Variants in GABRB1 observed in about 807,000 individuals in gnomAD.
GABRB1 encodes gamma-aminobutyric acid receptor subunit beta-1.
Under a neutral mutation model 51.6 loss-of-function variants are expected in GABRB1, and 17 were observed. That is an observed-to-expected ratio of 0.33 (90% CI 0.23 to 0.49). The LOEUF is 0.49. Ranked by LOEUF, GABRB1 falls within the 20% of genes least tolerant of loss-of-function variation. The probability of loss-of-function intolerance (pLI) is 0.99; values close to 1 mark genes in which losing one functional copy is unlikely to be tolerated. For missense variants in GABRB1, 410 were observed against 600.6 expected, an observed-to-expected ratio of 0.68 and a Z score of 3.32; for synonymous variants, 247 against 218.9, an observed-to-expected ratio of 1.13 and a Z score of -1.14.
chr4:47,149,408 T>G (rs932804260), intron 3 of GABRB1, among the ~76,000 whole-genome samples: 1 of 152,078 alleles, frequency 6.6e-6, no homozygotes, highest in African/African-American at 2.4e-5. Context: ...ACAGTCTCAT[T>G]ATATAGTGTT....
intron 1 of GABRB1, among the ~76,000 whole-genome samples, chr4:47,017,013 A>G (rs1476883606): frequency 2.0e-5 from 3 of 152,188 alleles, no homozygotes; most frequent in Non-Finnish European, 4.4e-5. Context: ...TTAATACATA[A>G]CAAACTTTTA....
chr4:47,377,370 G>A (rs1182617600), intron 5 of GABRB1, among the ~76,000 whole-genome samples: 4 of 145,982 alleles, frequency 2.7e-5, no homozygotes, highest in Non-Finnish European at 4.4e-5. Context: ...TCTTAAAGGC[G>A]TCGTGTCCGG....
At chr4:47,252,115 G>A (rs1722014715) in intron 4 of GABRB1, among the ~76,000 whole-genome samples, 1 of 111,740 alleles carries the variant, frequency 8.9e-6, no homozygotes, top group Non-Finnish European at 1.7e-5. Flanking sequence ...CTACTCCTCT[G>A]GATGCCCTCC....
chr4:47,230,174 G>A (rs1231216653), intron 4 of GABRB1, among the ~76,000 whole-genome samples: 1 of 152,070 alleles, frequency 6.6e-6, no homozygotes, highest in Non-Finnish European at 1.5e-5. Flanking sequence ...AAAGCTTTGA[G>A]GCTAGGTAAA....
chr4:47,141,189 G>A (rs1358584699), intron 3 of GABRB1, among the ~76,000 whole-genome samples: 1 of 151,856 alleles, frequency 6.6e-6, no homozygotes, highest in Non-Finnish European at 1.5e-5. Context: ...CCTGTATTGT[G>A]CTTCAGGAAA....
At position 47,097,283 on chromosome 4, in the gene GABRB1, T is replaced by C. The variant is rs1182107724; in HGVS notation, c.241-63966T>C. Reference sequence around the variant, plus strand: ...TCCAGCCACAGGGACCACCTTGCTCTTCCTAGAACTCATCAGGCATGCTTC... The same window carrying C: ...TCCAGCCACAGGGACCACCTTGCTCCTCCTAGAACTCATCAGGCATGCTTC... On this transcript the variant is annotated intron_variant, in intron 3 of 8. Transcript: ENST00000295454. Among the ~76,000 whole-genome samples the C allele has an allele frequency of 2.6e-5, 4 of 152,182 alleles. No homozygotes were observed. The East Asian group carries it at 5.8e-4, about 22-fold the overall frequency.
At chr4:47,229,005 G>A (rs540231296) in intron 4 of GABRB1, among the ~76,000 whole-genome samples, 3 of 152,254 alleles carry the variant, frequency 2.0e-5, no homozygotes, top group African/African-American at 7.2e-5. Context: ...CAGGCACTGT[G>A]CTGGGGCATT....
intron 3 of GABRB1, among the ~76,000 whole-genome samples, chr4:47,130,057 T>G (rs1300931892): frequency 6.6e-6 from 1 of 152,184 alleles, no homozygotes; most frequent in East Asian, 1.9e-4. Context: ...TGCCCTCTCC[T>G]CCATTGCGTG....
intron 8 of GABRB1, among the ~76,000 whole-genome samples, chr4:47,409,682 G>A (rs1013231893): frequency 6.6e-6 from 1 of 152,188 alleles, no homozygotes; most frequent in Non-Finnish European, 1.5e-5. Context: ...ATGCTTGAGG[G>A]TGGGGCCTTT....
At chr4:47,063,128 A>C (rs928513061) in intron 3 of GABRB1, among the ~76,000 whole-genome samples, 1 of 152,140 alleles carries the variant, frequency 6.6e-6, no homozygotes, top group East Asian at 1.9e-4. Flanking sequence ...CCACTCCCCA[A>C]GCTCGTCTCT....
intron 3 of GABRB1, among the ~76,000 whole-genome samples, chr4:47,055,005 A>G (rs973221407): frequency 6.6e-6 from 1 of 152,222 alleles, no homozygotes; most frequent in Non-Finnish European, 1.5e-5. Context: ...GACTTCTTCC[A>G]TCATGGCAGA....
chr4:47,008,989 G>A (rs1181032221), intron 1 of GABRB1, among the ~76,000 whole-genome samples: 7 of 142,588 alleles, frequency 4.9e-5, no homozygotes, highest in South Asian at 4.6e-4. Flanking sequence ...TCAGCCTCCC[G>A]AGTAGCTGGG....
intron 3 of GABRB1, among the ~76,000 whole-genome samples, chr4:47,156,533 A>G (rs1285808798): frequency 6.6e-6 from 1 of 152,060 alleles, no homozygotes; most frequent in African/African-American, 2.4e-5. Flanking sequence ...TGTACCTAAC[A>G]TGAGGGAAAA....
At chr4:47,362,364 G>C (rs1726838394) in intron 5 of GABRB1, among the ~76,000 whole-genome samples, 1 of 152,092 alleles carries the variant, frequency 6.6e-6, no homozygotes, top group Admixed American at 6.6e-5. Context: ...AGAGTGAGTA[G>C]AGTGGCAGCA....
At chr4:47,203,860 C>T (rs1422835935) in intron 4 of GABRB1, among the ~76,000 whole-genome samples, 2 of 152,024 alleles carry the variant, frequency 1.3e-5, no homozygotes, top group Non-Finnish European at 2.9e-5. Flanking sequence ...TGGAACAACT[C>T]CCATGCTGCT....
At chr4:47,063,998 T>C (rs1479995291) in intron 3 of GABRB1, among the ~76,000 whole-genome samples, 1 of 152,174 alleles carries the variant, frequency 6.6e-6, no homozygotes, top group Non-Finnish European at 1.5e-5. Context: ...CGTTTGCCTA[T>C]GTAACAAAAC....
intron 3 of GABRB1, among the ~76,000 whole-genome samples, chr4:47,119,604 G>A (rs187542879): frequency 1.3e-5 from 2 of 151,802 alleles, no homozygotes; most frequent in Admixed American, 6.6e-5. Context: ...TGCCTCCAGG[G>A]TTCAAGCGAT....
intron 5 of GABRB1, among the ~76,000 whole-genome samples, chr4:47,336,349 G>A (rs998405801): frequency 1.3e-5 from 2 of 152,168 alleles, no homozygotes; most frequent in East Asian, 1.9e-4. Context: ...AGAGGTTGGG[G>A]AGATAATAGA....
intron 4 of GABRB1, among the ~76,000 whole-genome samples, chr4:47,262,291 A>C (rs1722472249): frequency 6.6e-6 from 1 of 152,154 alleles, no homozygotes; most frequent in Non-Finnish European, 1.5e-5. Context: ...CGCAAACTAC[A>C]CATCTGGCAA....
Sources: gnomAD v4.1 joint callset for allele counts (sites outside exome capture counted in the v4.1 genomes callset) on GRCh38, gnomAD v4.1.1 for gene constraint, MANE v1.5 for transcripts, NCBI Gene and HGNC (gene_info 2026-07-23, HGNC 2026-07-21) for gene names.